COL24A1: variants seen among roughly 807,000 people sequenced by gnomAD.
The protein encoded by COL24A1 is collagen alpha-1(XXIV) chain.
In COL24A1, 224 loss-of-function variants were observed where a neutral mutation model predicts 253.9. That is an observed-to-expected ratio of 0.88 (90% CI 0.79 to 0.99). The LOEUF (loss-of-function observed/expected upper bound fraction) is 0.99. Ranked by LOEUF, COL24A1 falls within the 50% of genes least tolerant of loss-of-function variation. The pLI is 0.00. For synonymous variants in COL24A1, 685 were observed against 673.7 expected, an observed-to-expected ratio of 1.02 and a Z score of -0.26; for missense variants, 2,131 against 2,068.5, an observed-to-expected ratio of 1.03 and a Z score of -0.59.
chr1:85,974,549 T>C (rs142179399), intron 20 of COL24A1, among the ~76,000 whole-genome samples: 4 of 152,234 alleles, frequency 2.6e-5, no homozygotes, highest in African/African-American at 9.6e-5. Context: ...CCAGATATTG[T>C]AGGAGTATAT....
chr1:86,128,525 G>A (rs947741866), intron 2 of COL24A1, among the ~76,000 whole-genome samples: 19 of 151,980 alleles, frequency 1.3e-4, no homozygotes, highest in Non-Finnish European at 2.7e-4. Flanking sequence ...ATCAAGGGCT[G>A]CACGCTGCCC....
chr1:86,071,777 C>T (rs1242319232), intron 7 of COL24A1, among the ~76,000 whole-genome samples: 2 of 152,094 alleles, frequency 1.3e-5, no homozygotes, highest in Admixed American at 6.5e-5. Context: ...ATAGACCCTA[C>T]TACAATAATT....
At chr1:86,066,210 C>G (rs894531014) in intron 7 of COL24A1, among the ~76,000 whole-genome samples, 3 of 148,270 alleles carry the variant, frequency 2.0e-5, no homozygotes, top group Admixed American at 6.7e-5. Context: ...TCACTCTTTT[C>G]CTTGAAATAT....
chr1:86,004,898 G>A (rs1335177690), intron 19 of COL24A1, among the ~76,000 whole-genome samples: 2 of 152,178 alleles, frequency 1.3e-5, no homozygotes, highest in East Asian at 1.9e-4. Flanking sequence ...ATAAACAGAA[G>A]GAAGCAAGAC....
chr1:85,955,703 A>C (rs979525528), intron 24 of COL24A1, among the ~76,000 whole-genome samples: 2 of 152,236 alleles, frequency 1.3e-5, no homozygotes, highest in African/African-American at 4.8e-5. Context: ...TGAAAGAAAA[A>C]ATTGGAAATA....
At chr1:85,905,792 G>A (rs1684761198) in intron 28 of COL24A1, among the ~76,000 whole-genome samples, 1 of 152,038 alleles carries the variant, frequency 6.6e-6, no homozygotes, top group South Asian at 2.1e-4. Context: ...AGCACAAAGT[G>A]GTTTAGGAAA....
At chr1:86,122,865 T>C (rs1316678204) in intron 3 of COL24A1, among the ~76,000 whole-genome samples, 3 of 152,040 alleles carry the variant, frequency 2.0e-5, no homozygotes, top group African/African-American at 7.2e-5. Context: ...TTAATACCTC[T>C]GCTTAGAAAC....
chr1:85,841,971 CT>C (rs1676661561), intron 41 of COL24A1, 96 bp downstream of exon 41: 1 of 1,066,110 alleles, frequency 9.4e-7, no homozygotes, highest in Non-Finnish European at 1.4e-6. Flanking sequence ...AAAAGTGCTT[CT>C]TTTATTCCTT....
At chr1:85,989,795 T>C (rs950497316) in intron 19 of COL24A1, among the ~76,000 whole-genome samples, 4 of 152,216 alleles carry the variant, frequency 2.6e-5, no homozygotes, top group African/African-American at 9.6e-5. Flanking sequence ...CCTTGAATAA[T>C]GTTCCCTTAA....
chr1:85,811,103 A>T (rs1482032692), intron 47 of COL24A1, among the ~76,000 whole-genome samples: 2 of 152,152 alleles, frequency 1.3e-5, no homozygotes, highest in East Asian at 3.9e-4. Flanking sequence ...TTCAAGTCTC[A>T]TCCAGGTTAT....
At chr1:85,779,549 G>A (rs191141084) in intron 52 of COL24A1, among the ~76,000 whole-genome samples, 4 of 152,184 alleles carry the variant, frequency 2.6e-5, no homozygotes, top group African/African-American at 7.2e-5. Flanking sequence ...TAATTGAGTC[G>A]CCAAATTAAC....
chr1:85,783,682 G>A, intron 50 of COL24A1, 124 bp from the exon 51 acceptor site: 1 of 807,062 alleles, frequency 1.2e-6, no homozygotes, highest in Non-Finnish European at 2.0e-6. Context: ...TGTGCATGCT[G>A]AAGAATTCAG....
At chr1:85,744,561 T>TC in intron 57 of COL24A1, 105 bp downstream of exon 57, 1 of 1,024,546 alleles carries the variant, frequency 9.8e-7, no homozygotes, top group Non-Finnish European at 1.4e-6. Flanking sequence ...TGCCAGGGTT[T>TC]TATCAAACTA....
At chr1:85,969,409 A>G (rs1291530529) in intron 22 of COL24A1, among the ~76,000 whole-genome samples, 2 of 151,970 alleles carry the variant, frequency 1.3e-5, no homozygotes, top group East Asian at 3.9e-4. Flanking sequence ...GTTCAAGACC[A>G]GCCTGATCAA....
At chr1:85,832,471 T>C (rs1052753463) in intron 43 of COL24A1, among the ~76,000 whole-genome samples, 190 of 151,614 alleles carry the variant, frequency 1.3e-3, no homozygotes, top group African/African-American at 4.1e-3. Context: ...AGAAAGTCAT[T>C]GGTAGCTTGA....
intron 1 of COL24A1, among the ~76,000 whole-genome samples, chr1:86,147,202 TG>T (rs1282831160): frequency 6.6e-6 from 1 of 152,220 alleles, no homozygotes; most frequent in Admixed American, 6.5e-5. Flanking sequence ...ACTAATAAGA[TG>T]TTTTTTACCT....
At chr1:85,908,374 T>C (rs544708783) in intron 27 of COL24A1, among the ~76,000 whole-genome samples, 1 of 151,800 alleles carries the variant, frequency 6.6e-6, no homozygotes, top group African/African-American at 2.4e-5. Flanking sequence ...AGCATTTTAG[T>C]TTAGGTTGCA....
At chr1:85,852,004 T>C (rs1558390479) in intron 37 of COL24A1, among the ~76,000 whole-genome samples, 1 of 152,238 alleles carries the variant, frequency 6.6e-6, no homozygotes, top group Non-Finnish European at 1.5e-5. Flanking sequence ...TATAAGGTCA[T>C]AAAATATTAT....
chr1:86,084,222 C>A (rs890080843), intron 7 of COL24A1, among the ~76,000 whole-genome samples: 1 of 152,128 alleles, frequency 6.6e-6, no homozygotes, highest in African/African-American at 2.4e-5. Context: ...AAATCAACAA[C>A]CAAAATAATG....
Sources: gnomAD v4.1 joint callset for allele counts (sites outside exome capture counted in the v4.1 genomes callset) on GRCh38, gnomAD v4.1.1 for gene constraint, MANE v1.5 for transcripts, NCBI Gene and HGNC (gene_info 2026-07-23, HGNC 2026-07-21) for gene names.